The following STARD13 variants were observed in gnomAD, a reference collection of about 807,000 sequenced individuals.
STARD13 encodes the protein StAR related lipid transfer domain containing 13, also known as stAR-related lipid transfer protein 13.
STARD13 carries 62 observed loss-of-function variants against 106.4 expected under a neutral mutation model. The ratio of observed to expected loss-of-function variants is 0.58; its 90% CI spans 0.48 to 0.72. STARD13 has a LOEUF of 0.72. Among genes scored for constraint, STARD13 ranks in the 30% least tolerant of loss-of-function variants. The pLI is 0.00. For synonymous variants in STARD13, 565 were observed against 553.0 expected, an observed-to-expected ratio of 1.02 and a Z score of -0.31; for missense variants, 1,387 against 1,424.0, an observed-to-expected ratio of 0.97 and a Z score of 0.42.
chr13:33,286,137 GATAA>G (rs1411540765), upstream of STARD13, among the ~76,000 whole-genome samples: 2 of 151,548 alleles, frequency 1.3e-5, no homozygotes, highest in Non-Finnish European at 2.9e-5. Flanking sequence ...AGATGGACCT[GATAA>G]ATCTCTTAAA....
the STARD13 span, among the ~76,000 whole-genome samples, chr13:33,638,677 G>A: frequency 1.2e-4 from 19 of 152,124 alleles, no homozygotes; most frequent in East Asian, 1.7e-3. Flanking sequence ...TAATGTTAGT[G>A]CTGGTCATCT....
the STARD13 span, among the ~76,000 whole-genome samples, chr13:33,639,923 A>G: frequency 6.6e-5 from 10 of 152,198 alleles, no homozygotes; most frequent in South Asian, 2.1e-4. Flanking sequence ...TCTTTGCCCA[A>G]TGAAACTTTG....
chr13:33,111,944 A>G (rs1243065579), intron 9 of STARD13, 52 bp from the exon 10 acceptor site: 2 of 1,098,966 alleles, frequency 1.8e-6, no homozygotes, highest in Non-Finnish European at 2.8e-6. Flanking sequence ...CGAGCTTGTC[A>G]CAATACCAAA....
chr13:33,234,214 G>A (rs1029798566), intron 1 of STARD13, among the ~76,000 whole-genome samples: 4 of 152,136 alleles, frequency 2.6e-5, no homozygotes, highest in Non-Finnish European at 5.9e-5. Context: ...TCTACCCCTC[G>A]AGATGGAGAA....
At chr13:33,199,930 G>A (rs544580708) in intron 1 of STARD13, among the ~76,000 whole-genome samples, 1 of 152,338 alleles carries the variant, frequency 6.6e-6, no homozygotes, top group Admixed American at 6.5e-5. Context: ...AAGAACAGCG[G>A]TTCTCAGGAC....
the STARD13 span, among the ~76,000 whole-genome samples, chr13:33,530,140 C>G: frequency 1.3e-5 from 2 of 149,912 alleles, no homozygotes; most frequent in East Asian, 3.9e-4. Context: ...TTGGTGAATG[C>G]TTCTTCAACA....
At chr13:33,381,086 T>C in the STARD13 span, among the ~76,000 whole-genome samples, 1 of 152,208 alleles carries the variant, frequency 6.6e-6, no homozygotes, top group Non-Finnish European at 1.5e-5. Context: ...AGGAATGCTA[T>C]GTTCTGAGGA....
chr13:33,418,340 C>G, the STARD13 span, among the ~76,000 whole-genome samples: 1 of 152,222 alleles, frequency 6.6e-6, no homozygotes, highest in Admixed American at 6.5e-5. Flanking sequence ...TCACTGCTAG[C>G]ACAGCAGTCT....
the STARD13 span, among the ~76,000 whole-genome samples, chr13:33,572,994 A>G: frequency 6.6e-6 from 1 of 152,144 alleles, no homozygotes. Context: ...CCCAGGATAT[A>G]TGTCTTATTT....
chr13:33,246,788 G>C (rs1349904063), intron 1 of STARD13, among the ~76,000 whole-genome samples: 2 of 152,204 alleles, frequency 1.3e-5, no homozygotes, highest in South Asian at 4.1e-4. Flanking sequence ...AGAATTATCT[G>C]TTGGCAAGAG....
chr13:33,600,262 A>G, the STARD13 span, among the ~76,000 whole-genome samples: 1 of 152,248 alleles, frequency 6.6e-6, no homozygotes, highest in East Asian at 1.9e-4. Context: ...CAAACAGACC[A>G]AAACAACAAC....
At chr13:33,580,253 G>T in the STARD13 span, among the ~76,000 whole-genome samples, 7 of 152,124 alleles carry the variant, frequency 4.6e-5, no homozygotes, top group African/African-American at 1.7e-4. Context: ...AATCATGGAG[G>T]AACCTTAAAT....
intron 1 of STARD13, among the ~76,000 whole-genome samples, chr13:33,266,438 C>G (rs1462695716): frequency 6.6e-6 from 1 of 152,162 alleles, no homozygotes; most frequent in Non-Finnish European, 1.5e-5. Context: ...ACTTAAAAGC[C>G]CTCAGGAGCT....
At chr13:33,514,106 T>C in the STARD13 span, among the ~76,000 whole-genome samples, 29 of 152,158 alleles carry the variant, frequency 1.9e-4, no homozygotes, top group African/African-American at 6.5e-4. Flanking sequence ...TGATTCTCTC[T>C]GACATCAGTA....
chr13:33,110,740 G>C lies in STARD13; in HGVS notation c.2775C>G (p.Phe925Leu). 1.2e-6 allele frequency: 2 copies of C among 1,614,218 alleles called. No homozygotes were observed. The highest frequency in any genetic ancestry group is 1.7e-6 in the Non-Finnish European group (2 of 1,180,032). Residue 925 changes from phenylalanine to leucine, a missense_variant, in exon 11 of 14, where the codon TTC becomes TTG. Coordinates refer to ENST00000336934, the MANE Select transcript of STARD13 (RefSeq NM_178006.4). ...QGLQKEAKEK[F>L]KGWVTCSSTD... Reference sequence around the variant, plus strand: ...TGCTGGAGCACGTGACCCATCCTTTGAACTTCTCCTTGGCTTCTTTCTGGA... The same window carrying C: ...TGCTGGAGCACGTGACCCATCCTTTCAACTTCTCCTTGGCTTCTTTCTGGA...
intron 1 of STARD13, among the ~76,000 whole-genome samples, chr13:33,209,548 G>A (rs1380394468): frequency 1.3e-5 from 2 of 151,534 alleles, no homozygotes; most frequent in African/African-American, 4.9e-5. Flanking sequence ...TTCATAAACT[G>A]AACACAGCAA....
the STARD13 span, among the ~76,000 whole-genome samples, chr13:33,545,249 C>T: frequency 7.9e-5 from 12 of 151,836 alleles, no homozygotes; most frequent in East Asian, 1.7e-3. Flanking sequence ...TGTGAGCCAC[C>T]GCGCCTGGCC....
At chr13:33,346,331 C>G (rs2078016578), downstream of STARD13, among the ~76,000 whole-genome samples, 1 of 152,174 alleles carries the variant, frequency 6.6e-6, no homozygotes, top group East Asian at 1.9e-4. Flanking sequence ...CCCAGAAACT[C>G]TAGGATAATA....
chr13:33,208,535 T>C (rs1250636148), intron 1 of STARD13, among the ~76,000 whole-genome samples: 3 of 152,060 alleles, frequency 2.0e-5, no homozygotes, highest in Admixed American at 2.0e-4. Context: ...TATGGGGAGT[T>C]CATACCAGCT....
Sources: gnomAD v4.1 joint callset for allele counts (sites outside exome capture counted in the v4.1 genomes callset) on GRCh38, gnomAD v4.1.1 for gene constraint, MANE v1.5 for transcripts, NCBI Gene and HGNC (gene_info 2026-07-23, HGNC 2026-07-21) for gene names.